KIF18B: variants seen among roughly 807,000 people sequenced by gnomAD.
KIF18B encodes kinesin family member 18B, also known as kinesin-like protein KIF18B.
In KIF18B, 49 loss-of-function variants were observed where a neutral mutation model predicts 80.9. The observed-to-expected ratio is 0.61, with a 90% CI of 0.48 to 0.77. The LOEUF is 0.77. Among genes scored for constraint, KIF18B ranks in the 30% least tolerant of loss-of-function variants. The pLI, the probability that KIF18B is intolerant of heterozygous loss-of-function variation, is 0.00. For synonymous variants in KIF18B, 439 were observed against 463.9 expected, an observed-to-expected ratio of 0.95 and a Z score of 0.69; for missense variants, 994 against 1,127.7, an observed-to-expected ratio of 0.88 and a Z score of 1.70.
chr17:44,937,581 C>T (rs1301035565), intron 1 of KIF18B, among the ~76,000 whole-genome samples: 2 of 152,136 alleles, frequency 1.3e-5, no homozygotes, highest in East Asian at 1.9e-4. Context: ...AGGAACACAA[C>T]TAATTTTAGA....
chr17:44,931,462 A>G, intron 11 of KIF18B, 140 bp downstream of exon 11: 1 of 1,082,000 alleles, frequency 9.2e-7, no homozygotes, highest in Non-Finnish European at 1.4e-6. Flanking sequence ...GATAACAACA[A>G]GGAGGTGAAA....
In KIF18B at chr17:44,932,080, A is replaced by G. The variant is rs2052164802; in HGVS notation, c.1365T>C (p.Asp455=). Reference sequence around the variant, plus strand: ...CCTCCTCAGCTGGGCCTTCATCCTCATCCTCTGGGGACTGCTCCTGGTCTG... The same window carrying G: ...CCTCCTCAGCTGGGCCTTCATCCTCGTCCTCTGGGGACTGCTCCTGGTCTG... The part of the protein sequence containing the change: ...NSSDQEQSPE[D]EDEGPAEEVP... Residue 455 remains aspartate, a synonymous_variant, in exon 10 of 16, where the codon GAT becomes GAC. Transcript: ENST00000593135. The G allele has an allele frequency of 1.2e-6, 2 of 1,613,310 alleles. No homozygotes were observed. The highest frequency in any genetic ancestry group is 1.3e-5 in the African/African-American group (1 of 74,980).
At chr17:44,947,242 T>A (rs72828824) in intron 1 of KIF18B, among the ~76,000 whole-genome samples, 1 of 147,758 alleles carries the variant, frequency 6.8e-6, no homozygotes, top group Admixed American at 6.8e-5. Context: ...ATGCAGGGAG[T>A]CCCAGGCCTT....
At position 44,934,993 on chromosome 17, in the gene KIF18B, C is replaced by G. The variant is rs2052250590; in HGVS notation, c.472-58G>C. On this transcript the variant is annotated intron_variant, in intron 3 of 15. Transcript: ENST00000593135. This position sits in a 1 kb window ranked among gnomAD's most constrained non-coding sequence, Gnocchi z 5.4. ...AGAGCGGCCCATCAGGAAACCTCTC[C>G]CTAGCGGCTGGACAGGGGAGCTGAG... The G allele has an allele frequency of 7.8e-7, 1 of 1,275,108 alleles. No homozygotes were observed. Among genetic ancestry groups the G allele is most frequent in the Non-Finnish European group, 1.1e-6 (1 of 914,274 alleles). The allele number at this position is 1,275,108 out of a possible 1,614,324, so 79.0% of individuals were successfully genotyped here.
Position 44,936,624 on chromosome 17 carries a change from ATTTTTTTTTTTTTTTTTTTT to A in KIF18B, c.-14-286_-14-267del, listed in dbSNP as rs72105429. Among the ~76,000 whole-genome samples, 227 of 27,870 alleles carry A rather than the reference ATTTTTTTTTTTTTTTTTTTT, an allele frequency of 8.1e-3. 1 individual carries two copies. Among genetic ancestry groups the A allele is most frequent in the African/African-American group, 0.03 (214 of 7,100 alleles). The allele number at this position is 27,870 out of a possible 152,430, so 18.3% of individuals were successfully genotyped here. A position where few individuals can be genotyped will look rare whatever the true frequency, so the allele number is the denominator to read the frequency against. On this transcript the variant is annotated intron_variant, in intron 1 of 15. Transcript: ENST00000593135. Reference sequence around the variant, plus strand: ...TATATATATATATATATATATATATATTTTTTTTTTTTTTTTTTTTTTTTTTTTTTTTTGAGACGGACTCT... The same window carrying A: ...TATATATATATATATATATATATATATTTTTTTTTTTTTGAGACGGACTCT...
chr17:44,940,109 CCTT>C (rs2052388050), intron 1 of KIF18B, among the ~76,000 whole-genome samples: 1 of 152,248 alleles, frequency 6.6e-6, no homozygotes, highest in African/African-American at 2.4e-5. Flanking sequence ...TTTTCAAACT[CCTT>C]CTTTCCAGAA....
At chr17:44,942,791 T>C (rs1597897829) in intron 1 of KIF18B, among the ~76,000 whole-genome samples, 1 of 152,244 alleles carries the variant, frequency 6.6e-6, no homozygotes, top group South Asian at 2.1e-4. Context: ...ATTTACTTAG[T>C]GCTTACTATG....
intron 11 of KIF18B, among the ~76,000 whole-genome samples, chr17:44,930,595 A>G (rs978306975): frequency 1.3e-5 from 2 of 152,204 alleles, no homozygotes; most frequent in African/African-American, 4.8e-5. Context: ...GTCACATTTT[A>G]TTAGTACTTC....
At position 44,936,573 on chromosome 17, in the gene KIF18B, T is replaced by A. The variant is rs1431271261; in HGVS notation, c.-14-215A>T. 5.6e-3 allele frequency among the ~76,000 whole-genome samples: 297 copies of A among 53,020 alleles called. 5 individuals carry two copies. The highest frequency in any genetic ancestry group is 0.015 in the Admixed American group (72 of 4,662). The allele number at this position is 53,020 out of a possible 152,430, so 34.8% of individuals were successfully genotyped here. Reference sequence around the variant, plus strand: ...TCAAATGACTCTCTCTCTCTCTCTCTCTCTCTCTCTCTCTCTCTCTCTCTC... The same window carrying A: ...TCAAATGACTCTCTCTCTCTCTCTCACTCTCTCTCTCTCTCTCTCTCTCTC... On this transcript the variant is annotated intron_variant, in intron 1 of 15. Transcript: ENST00000593135.
chr17:44,925,932 T>C lies in KIF18B; in HGVS notation c.*148A>G. On this transcript the variant is annotated 3_prime_UTR_variant, in exon 16 of 16. Transcript: ENST00000593135. ...AGGATGGATGTCTGGGGAGGGATGTTAATACAGCAAAGGTGTGTTGGCACT... is the reference window on the plus strand; with the variant it reads ...AGGATGGATGTCTGGGGAGGGATGTCAATACAGCAAAGGTGTGTTGGCACT... 1 of 733,880 alleles carries C rather than the reference T, an allele frequency of 1.4e-6. No individual in the cohort carries two copies. Among genetic ancestry groups the C allele is most frequent in the Non-Finnish European group, 2.3e-6 (1 of 426,098 alleles). The allele number at this position is 733,880 out of a possible 1,614,324, so 45.5% of individuals were successfully genotyped here.
At position 44,934,263 on chromosome 17, in the gene KIF18B, G is replaced by A; in HGVS notation, c.855C>T (p.Ile285=). 1 of 1,612,924 alleles carries A rather than the reference G, an allele frequency of 6.2e-7. No individual in the cohort carries two copies. Among genetic ancestry groups the A allele is most frequent in the South Asian group, 1.1e-5 (1 of 90,980 alleles). ...CATCGGCCAAGGCATTGAGGACGTT[G>A]ATGAGCGCCAGCAGAGAGCGGTTGA... is the stretch of plus-strand genomic sequence containing the variant. ...ANINRSLLAL[I]NVLNALADAK... The change falls in exon 6 of 16, where the codon ATC becomes ATT. Residue 285 remains isoleucine (I), a synonymous_variant. Coordinates refer to ENST00000593135, the MANE Select transcript of KIF18B (RefSeq NM_001265577.2). The surrounding 1 kb of genome is among the most constrained non-coding windows in gnomAD (Gnocchi z 5.4).
In KIF18B at chr17:44,934,590, T is replaced by C. The variant is rs555069404; in HGVS notation, c.604A>G (p.Ile202Val). 28 of 1,611,166 alleles carry C rather than the reference T, an allele frequency of 1.7e-5. No individual in the cohort carries two copies. In the South Asian group the frequency reaches 2.9e-4, roughly 17 times the overall value. ...CGGTTACGGTTCCCCCTGGTCAGTA[T>C]CTCCAGCAGCTGCTCGGCTGAGGCT... ...QPASAEQLLEILTRGNRNRTQ... is the reference protein window; with the variant it reads ...QPASAEQLLEVLTRGNRNRTQ... The change falls in exon 5 of 16, where the codon ATA (isoleucine) becomes GTA (valine). Residue 202 changes from isoleucine to valine, a missense_variant. Physicochemically the swap from Ile to Val is conservative, Grantham distance 29 (BLOSUM62 3). Transcript: ENST00000593135. The surrounding 1 kb of genome is among the most constrained non-coding windows in gnomAD (Gnocchi z 5.4).
intron 1 of KIF18B, among the ~76,000 whole-genome samples, chr17:44,943,014 C>A (rs1487882323): frequency 6.6e-6 from 1 of 152,200 alleles, no homozygotes; most frequent in Non-Finnish European, 1.5e-5. Context: ...CCATCTCCCC[C>A]TCACCTTGGT....
At chr17:44,931,309 A>G (rs1429653311) in intron 11 of KIF18B, among the ~76,000 whole-genome samples, 1 of 152,196 alleles carries the variant, frequency 6.6e-6, no homozygotes, top group Non-Finnish European at 1.5e-5. Context: ...ACTGGAAAGC[A>G]AAGCGTAAGC....
Position 44,934,641 on chromosome 17 carries a change from G to A in KIF18B, c.577-24C>T, listed in dbSNP as rs372021486. 54 of 1,552,978 alleles carry A rather than the reference G, an allele frequency of 3.5e-5. No homozygotes were observed. The highest frequency in any genetic ancestry group is 1.1e-4 in the Admixed American group (6 of 52,234). On this transcript the variant is annotated intron_variant, in intron 4 of 15. Transcript: ENST00000593135. This position sits in a 1 kb window ranked among gnomAD's most constrained non-coding sequence, Gnocchi z 5.4. ...GGCTACAGAGGAGAAGCCCAGGAAC[G>A]GGGCTGTGGGTTCCCGGATCAGGAC...
chr17:44,935,223 G>A (rs2052257883), intron 3 of KIF18B, 36 bp downstream of exon 3: 1 of 1,551,660 alleles, frequency 6.4e-7, no homozygotes. Context: ...CCCCCGGGTG[G>A]TTGTGAGAAC....
intron 1 of KIF18B, among the ~76,000 whole-genome samples, chr17:44,941,964 G>A (rs1007237627): frequency 5.9e-5 from 9 of 152,108 alleles, no homozygotes; most frequent in South Asian, 2.1e-4. Flanking sequence ...TGCTGGGGGC[G>A]TGGGGCACAA....
intron 1 of KIF18B, among the ~76,000 whole-genome samples, chr17:44,936,590 CTCTCTCTCTATATATA>C (rs1358097689): frequency 1.4e-3 from 82 of 59,036 alleles, no homozygotes; most frequent in African/African-American, 5.4e-3. Flanking sequence ...CTCTCTCTCT[CTCTCTCTCTATATATA>C]TATATATATA....
At position 44,932,894 on chromosome 17, in the gene KIF18B, C is replaced by A; in HGVS notation, c.1137+18G>T. Reference sequence around the variant, plus strand: ...TGGCTGTCGGCCCTCCAGCCTGCCCCCAAGGCGGGCTCCTCACCTCAGCCT... The same window carrying A: ...TGGCTGTCGGCCCTCCAGCCTGCCCACAAGGCGGGCTCCTCACCTCAGCCT... On this transcript the variant is annotated intron_variant, in intron 8 of 15. Coordinates refer to ENST00000593135, the MANE Select transcript of KIF18B (RefSeq NM_001265577.2). The A allele has an allele frequency of 6.3e-7, 1 of 1,597,612 alleles. No individual in the cohort carries two copies. The highest frequency in any genetic ancestry group is 8.6e-7 in the Non-Finnish European group (1 of 1,167,234).
Sources: allele counts gnomAD v4.1 joint callset (sites outside exome capture counted in the v4.1 genomes callset), GRCh38; gene constraint gnomAD v4.1.1; non-coding constraint Gnocchi (gnomAD v3.1); transcripts MANE v1.5; gene names NCBI Gene and HGNC (gene_info 2026-07-23, HGNC 2026-07-21).